Variants in ARID5A observed in about 807,000 individuals in gnomAD.
The protein encoded by ARID5A is AT-rich interaction domain 5A.
ARID5A carries 14 observed loss-of-function variants against 30.5 expected under a neutral mutation model. The observed-to-expected ratio is 0.46, with a 90% CI of 0.30 to 0.72. The LOEUF is 0.72. ARID5A is among the 30% of genes least tolerant of loss of function. ARID5A has a pLI of 0.07. For synonymous variants in ARID5A, 338 were observed against 340.4 expected (o/e 0.99, Z 0.08); for missense variants, 669 against 786.2 (o/e 0.85, Z 1.78).
chr2:96,550,622 G>T lies in ARID5A; in HGVS notation c.459G>T (p.Pro153=), dbSNP rs368409361. The T allele has an allele frequency of 1.2e-5, 20 of 1,607,770 alleles. No homozygotes were observed. In the African/African-American group the frequency reaches 2.5e-4, roughly 20 times the overall value. Residue 153 remains proline (P), a synonymous_variant, in exon 6 of 7, where the codon CCG becomes CCT. Coordinates refer to ENST00000357485, the MANE Select transcript of ARID5A (RefSeq NM_212481.3). This position sits in a 1 kb window ranked among gnomAD's most constrained non-coding sequence, Gnocchi z 6.6. Reference sequence around the variant, plus strand: ...ACCTGAAGGGGGAGGATGACAAGCCGCTGCCCACCTCCAAGCCCAGGAAAC... The same window carrying T: ...ACCTGAAGGGGGAGGATGACAAGCCTCTGCCCACCTCCAAGCCCAGGAAAC... ...VRHLKGEDDK[P]LPTSKPRKQY...
At position 96,539,436 on chromosome 2, in the gene ARID5A, G is replaced by A. The variant is rs1394409923; in HGVS notation, c.4+2606G>A. On this transcript the variant is annotated intron_variant, in intron 1 of 6. Transcript: ENST00000357485. This position sits in a 1 kb window ranked among gnomAD's most constrained non-coding sequence, Gnocchi z 4.7. ...GTGAGACATCTTAAGTTTGTCTTCA[G>A]TGACTCTCAACCACCGCCCGACTGC... Among the ~76,000 whole-genome samples the A allele has an allele frequency of 1.3e-5, 2 of 152,316 alleles. No individual in the cohort carries two copies. The highest frequency in any genetic ancestry group is 1.9e-4 in the East Asian group (1 of 5,186).
intron 1 of ARID5A, among the ~76,000 whole-genome samples, chr2:96,542,898 G>A (rs1455004600): frequency 1.3e-5 from 2 of 152,130 alleles, no homozygotes; most frequent in Non-Finnish European, 2.9e-5. Context: ...TTCTGGACCT[G>A]GAAGACTTCA....
chr2:96,545,156 CTTTTTTTTTTTT>C (rs35156624), intron 1 of ARID5A, among the ~76,000 whole-genome samples: 1 of 116,338 alleles, frequency 8.6e-6, no homozygotes, highest in South Asian at 2.7e-4. Context: ...TTTTCTTTTT[CTTTTTTTTTTTT>C]TTTTTTGAGA....
intron 2 of ARID5A, among the ~76,000 whole-genome samples, chr2:96,548,550 G>A (rs1169597672): frequency 6.6e-6 from 1 of 152,222 alleles, no homozygotes; most frequent in Non-Finnish European, 1.5e-5. Context: ...GATTACAGGA[G>A]TGAGCCACCG....
chr2:96,551,567 C>G lies in ARID5A; in HGVS notation c.1039C>G (p.His347Asp). 1.2e-6 allele frequency: 2 copies of G among 1,600,142 alleles called. No homozygotes were observed. The highest frequency in any genetic ancestry group is 1.7e-6 in the Non-Finnish European group (2 of 1,175,450). Residue 347 changes from histidine (H) to aspartate (D), a missense_variant, in exon 7 of 7, where the codon CAC becomes GAC. Transcript: ENST00000357485. ...APIFKGCFYT[H>D]PTEVLKPVSQ... Reference sequence around the variant, plus strand: ...CATCTTCAAGGGCTGCTTCTACACCCACCCCACCGAGGTGCTGAAGCCTGT... The same window carrying G: ...CATCTTCAAGGGCTGCTTCTACACCGACCCCACCGAGGTGCTGAAGCCTGT...
In ARID5A at chr2:96,550,073, G is replaced by C; in HGVS notation, c.313-115G>C. ...GAATCGGCTGGCCGCTGCTGGAGCC[G>C]CAGAGCAGCTGCCAAACTGCAGTCC... On this transcript the variant is annotated intron_variant, in intron 4 of 6. Coordinates refer to ENST00000357485, the MANE Select transcript of ARID5A (RefSeq NM_212481.3). The surrounding 1 kb of genome is among the most constrained non-coding windows in gnomAD (Gnocchi z 6.6). The C allele has an allele frequency of 6.5e-7, 1 of 1,532,000 alleles. No individual in the cohort carries two copies. The highest frequency in any genetic ancestry group is 8.7e-7 in the Non-Finnish European group (1 of 1,145,372). 94.9% of individuals were successfully genotyped at this position (1,532,000 alleles called of 1,614,324 possible). A position where few individuals can be genotyped will look rare whatever the true frequency, so the allele number is the denominator to read the frequency against.
At position 96,549,874 on chromosome 2, in the gene ARID5A, G is replaced by A. The variant is rs2065995468; in HGVS notation, c.312+69G>A. 1.3e-6 allele frequency: 2 copies of A among 1,568,000 alleles called. No individual in the cohort carries two copies. Among genetic ancestry groups the A allele is most frequent in the Admixed American group, 1.8e-5 (1 of 55,932 alleles). ...GGGGTGAGCCTGCAGCGCTGTCCTTGCCTCTGGACAGAGGAAGAGCCAGGA... is the reference window on the plus strand; with the variant it reads ...GGGGTGAGCCTGCAGCGCTGTCCTTACCTCTGGACAGAGGAAGAGCCAGGA... On this transcript the variant is annotated intron_variant, in intron 4 of 6. Transcript: ENST00000357485. The surrounding 1 kb of genome is among the most constrained non-coding windows in gnomAD (Gnocchi z 6.1).
rs959000044 is a variant in ARID5A at position 96,550,048 on chromosome 2, G to A, written c.313-140G>A. 1.3e-6 allele frequency: 2 copies of A among 1,533,142 alleles called. No homozygotes were observed. The highest frequency in any genetic ancestry group is 1.7e-6 in the Non-Finnish European group (2 of 1,146,180). The allele number at this position is 1,533,142 out of a possible 1,614,324, so 95.0% of individuals were successfully genotyped here. ...CAGCAGTCCATGGCCCTAGGAGAGA[G>A]AATCGGCTGGCCGCTGCTGGAGCCG... On this transcript the variant is annotated intron_variant, in intron 4 of 6. Coordinates refer to ENST00000357485, the MANE Select transcript of ARID5A (RefSeq NM_212481.3). This position sits in a 1 kb window ranked among gnomAD's most constrained non-coding sequence, Gnocchi z 6.6.
chr2:96,548,130 G>A (rs2065961574), intron 2 of ARID5A, among the ~76,000 whole-genome samples: 1 of 152,160 alleles, frequency 6.6e-6, no homozygotes, highest in Non-Finnish European at 1.5e-5. Context: ...GCCCCAGCAT[G>A]TTATGATTTC....
At chr2:96,541,923 C>T (rs2065852246) in intron 1 of ARID5A, among the ~76,000 whole-genome samples, 1 of 152,182 alleles carries the variant, frequency 6.6e-6, no homozygotes, top group Non-Finnish European at 1.5e-5. Flanking sequence ...CCTCTGTGGG[C>T]TGAGTGGGGC....
chr2:96,542,326 T>G (rs1261740078), intron 1 of ARID5A, among the ~76,000 whole-genome samples: 1 of 152,146 alleles, frequency 6.6e-6, no homozygotes, highest in African/African-American at 2.4e-5. Context: ...ACCGAGTTCA[T>G]CTGGGGACTC....
chr2:96,551,686 G>A lies in ARID5A; in HGVS notation c.1158G>A (p.Gln386=). 1 of 1,522,836 alleles carries A rather than the reference G, an allele frequency of 6.6e-7. No individual in the cohort carries two copies. The allele number at this position is 1,522,836 out of a possible 1,614,324, so 94.3% of individuals were successfully genotyped here. A position where few individuals can be genotyped will look rare whatever the true frequency, so the allele number is the denominator to read the frequency against. ...AGGGGCTGTCAGTGAAAGAGCCCCA[G>A]CTGGTGTGGGGCGGAGACGCTAACC... ...GKEGLSVKEP[Q]LVWGGDANRP... is the part of the protein sequence containing the mutation. Residue 386 remains glutamine (Q), a synonymous_variant, in exon 7 of 7, where the codon CAG becomes CAA. Coordinates refer to ENST00000357485, the MANE Select transcript of ARID5A (RefSeq NM_212481.3).
In ARID5A at chr2:96,550,805, G is replaced by A. The variant is rs551015377; in HGVS notation, c.570+72G>A. 6.8e-6 allele frequency: 10 copies of A among 1,472,216 alleles called. No homozygotes were observed. Among genetic ancestry groups the A allele is most frequent in the South Asian group, 1.4e-5 (1 of 73,984 alleles). The allele number at this position is 1,472,216 out of a possible 1,614,324, so 91.2% of individuals were successfully genotyped here. On this transcript the variant is annotated intron_variant, in intron 6 of 6. Transcript: ENST00000357485. This position sits in a 1 kb window ranked among gnomAD's most constrained non-coding sequence, Gnocchi z 6.6. ...GCCCCCTACCCCACAACTCCCTGTG[G>A]CCGCGGAGCTGTCTGCTCAGAATAC...
chr2:96,541,390 C>T (rs1465905203), intron 1 of ARID5A, among the ~76,000 whole-genome samples: 2 of 152,162 alleles, frequency 1.3e-5, no homozygotes, highest in Non-Finnish European at 2.9e-5. Flanking sequence ...TAATATTGGG[C>T]AACTTGCCCT....
At position 96,549,618 on chromosome 2, in the gene ARID5A, C is replaced by T. The variant is rs1281421593; in HGVS notation, c.260-135C>T. ...GGGCCAGGGGTGCACAGGGCACAGCCTGCCCGTCTATTGCAGTGGCCCTGG... is the reference window on the plus strand; with the variant it reads ...GGGCCAGGGGTGCACAGGGCACAGCTTGCCCGTCTATTGCAGTGGCCCTGG... On this transcript the variant is annotated intron_variant, in intron 3 of 6. Coordinates refer to ENST00000357485, the MANE Select transcript of ARID5A (RefSeq NM_212481.3). This position sits in a 1 kb window ranked among gnomAD's most constrained non-coding sequence, Gnocchi z 6.1. 1.3e-6 allele frequency: 2 copies of T among 1,502,860 alleles called. No homozygotes were observed. The highest frequency in any genetic ancestry group is 1.4e-5 in the African/African-American group (1 of 72,720). 93.1% of individuals were successfully genotyped at this position (1,502,860 alleles called of 1,614,324 possible).
In ARID5A at chr2:96,551,137, A is replaced by G. The variant is rs573587238; in HGVS notation, c.609A>G (p.Pro203=). ...AGACCAAAGCAGATGCTGCTGACCC[A>G]GCACCACTTCCCAGCCAGGAGCCCC... ...PGKTKADAAD[P]APLPSQEPPR... is the part of the protein sequence containing the mutation. Residue 203 remains proline, a synonymous_variant, in exon 7 of 7, where the codon CCA becomes CCG. Coordinates refer to ENST00000357485, the MANE Select transcript of ARID5A (RefSeq NM_212481.3). 12 of 1,613,602 alleles carry G rather than the reference A, an allele frequency of 7.4e-6. No individual in the cohort carries two copies. In the South Asian group the frequency reaches 1.3e-4, roughly 18 times the overall value.
Position 96,550,128 on chromosome 2 carries a change from G to T in ARID5A, c.313-60G>T, listed in dbSNP as rs2066002517. The T allele has an allele frequency of 2.6e-6, 4 of 1,531,074 alleles. No homozygotes were observed. Among genetic ancestry groups the T allele is most frequent in the African/African-American group, 1.4e-5 (1 of 72,806 alleles). 94.8% of individuals were successfully genotyped at this position (1,531,074 alleles called of 1,614,324 possible). A position where few individuals can be genotyped will look rare whatever the true frequency, so the allele number is the denominator to read the frequency against. The stretch of plus-strand genomic sequence containing the variant: ...AGTCCCTGCGAGGGCGGCCGGAGCT[G>T]CAAGGACCCCGCCGCCAGGGGGCGC... On this transcript the variant is annotated intron_variant, in intron 4 of 6. Coordinates refer to ENST00000357485, the MANE Select transcript of ARID5A (RefSeq NM_212481.3). The surrounding 1 kb of genome is among the most constrained non-coding windows in gnomAD (Gnocchi z 6.6).
At position 96,551,602 on chromosome 2, in the gene ARID5A, C is replaced by T; in HGVS notation, c.1074C>T (p.His358=). The change falls in exon 7 of 7, where the codon CAC becomes CAT. Residue 358 remains histidine (H), a synonymous_variant. Transcript: ENST00000357485. ...AGGTGCTGAAGCCTGTCAGCCAGCA[C>T]CCCAGGGACTTCTTCTCTAGACTTA... ...PTEVLKPVSQ[H]PRDFFSRLKD... 2 of 1,564,466 alleles carry T rather than the reference C, an allele frequency of 1.3e-6. No individual in the cohort carries two copies. The highest frequency in any genetic ancestry group is 1.7e-6 in the Non-Finnish European group (2 of 1,160,310).
At position 96,550,526 on chromosome 2, in the gene ARID5A, A is replaced by G. The variant is rs768268780; in HGVS notation, c.411-48A>G. 7.1e-6 allele frequency: 11 copies of G among 1,541,676 alleles called. No homozygotes were observed. The Admixed American group carries it at 1.4e-4, about 19-fold the overall frequency. ...CAGAGGAGGCTACAGAGGCCCAGGG[A>G]GGGGATGGGCGCCGGCCTCCTGGGG... On this transcript the variant is annotated intron_variant, in intron 5 of 6. Transcript: ENST00000357485. This position sits in a 1 kb window ranked among gnomAD's most constrained non-coding sequence, Gnocchi z 6.6.
Sources: allele counts gnomAD v4.1 joint callset (sites outside exome capture counted in the v4.1 genomes callset), GRCh38; gene constraint gnomAD v4.1.1; non-coding constraint Gnocchi (gnomAD v3.1); transcripts MANE v1.5; gene names NCBI Gene and HGNC (gene_info 2026-07-23, HGNC 2026-07-21).